Variants in TSGA10 observed in about 807,000 individuals in gnomAD.
The protein encoded by TSGA10 is testis specific 10, also known as testis-specific gene 10 protein.
Under a neutral mutation model 96.6 loss-of-function variants are expected in TSGA10, and 43 were observed. The observed-to-expected ratio is 0.44, with a 90% CI of 0.35 to 0.57. The LOEUF is 0.57. TSGA10 is among the 20% of genes least tolerant of loss of function. TSGA10 has a pLI of 0.01. For missense variants in TSGA10, 703 were observed against 834.4 expected (o/e 0.84, Z 1.94); for synonymous variants, 229 against 269.9 (o/e 0.85, Z 1.48).
At chr2:99,079,954 G>A (rs28648058) in intron 11 of TSGA10, among the ~76,000 whole-genome samples, 65,976 of 151,932 alleles carry the variant, frequency 0.43, 16,978 homozygotes, top group African/African-American at 0.72. Flanking sequence ...AAGACAACCC[G>A]CATGTTTTGT....
chr2:99,093,414 CAA>C (rs1233018545), intron 10 of TSGA10, among the ~76,000 whole-genome samples: 2 of 152,034 alleles, frequency 1.3e-5, no homozygotes, highest in African/African-American at 4.8e-5. Flanking sequence ...AGCAATCAGA[CAA>C]GAGAAGTAAA....
At chr2:99,150,639 AG>A in intron 1 of TSGA10, 1 of 1,614,110 alleles carries the variant, frequency 6.2e-7, no homozygotes, top group African/African-American at 1.3e-5. Flanking sequence ...ACTTAATACG[AG>A]GGACTGAAAA....
At chr2:99,032,807 T>A (rs952089717) in intron 17 of TSGA10, among the ~76,000 whole-genome samples, 1 of 152,164 alleles carries the variant, frequency 6.6e-6, no homozygotes, top group Non-Finnish European at 1.5e-5. Flanking sequence ...GATGAATTGA[T>A]GAAATAACAG....
intron 20 of TSGA10, among the ~76,000 whole-genome samples, chr2:99,005,331 A>T (rs150456061): frequency 6.6e-6 from 1 of 152,212 alleles, no homozygotes; most frequent in East Asian, 1.9e-4. Flanking sequence ...GTATTCAAAT[A>T]GGAAAAGAGG....
At chr2:99,013,815 A>G (rs1020077186) in intron 20 of TSGA10, among the ~76,000 whole-genome samples, 20 of 151,970 alleles carry the variant, frequency 1.3e-4, no homozygotes, top group African/African-American at 4.1e-4. Flanking sequence ...CAGGAGTTCA[A>G]AATCAGCCTG....
chr2:99,050,597 T>C (rs2083296520), intron 16 of TSGA10, among the ~76,000 whole-genome samples: 1 of 152,146 alleles, frequency 6.6e-6, no homozygotes. Flanking sequence ...ATTAAGTTAG[T>C]ATAAACCTGA....
intron 12 of TSGA10, among the ~76,000 whole-genome samples, chr2:99,076,272 T>G (rs1296757050): frequency 3.3e-5 from 5 of 152,216 alleles, no homozygotes; most frequent in African/African-American, 9.6e-5. Flanking sequence ...TTTCTCTCAC[T>G]GATACTCCTA....
intron 4 of TSGA10, among the ~76,000 whole-genome samples, chr2:99,114,935 T>C (rs768429505): frequency 9.9e-5 from 15 of 152,128 alleles, no homozygotes; most frequent in Non-Finnish European, 1.3e-4. Flanking sequence ...TCAATATTGA[T>C]ATATATATAT....
Position 99,104,008 on chromosome 2 carries a change from T to A in TSGA10, c.570A>T (p.Glu190Asp), listed in dbSNP as rs749363446. ...KSLARKAMDTESELGRQKAEN... is the reference protein window; with the variant it reads ...KSLARKAMDTDSELGRQKAEN... ...CTGCTTTTTGTCTGCCAAGTTCACTTTCGGTATCCATTGCCTTTCTTGCTA... is the reference window on the plus strand; with the variant it reads ...CTGCTTTTTGTCTGCCAAGTTCACTATCGGTATCCATTGCCTTTCTTGCTA... The change falls in exon 10 of 21, where the codon GAA becomes GAT. Residue 190 changes from glutamate to aspartate, a missense_variant. Coordinates refer to ENST00000393483, the MANE Select transcript of TSGA10 (RefSeq NM_025244.4). 9 of 1,614,142 alleles carry A rather than the reference T, an allele frequency of 5.6e-6. No homozygotes were observed. Among genetic ancestry groups the A allele is most frequent in the Middle Eastern group, 1.7e-4 (1 of 6,056 alleles).
intron 16 of TSGA10, among the ~76,000 whole-genome samples, chr2:99,043,942 A>G (rs948615693): frequency 6.6e-6 from 1 of 152,160 alleles, no homozygotes; most frequent in African/African-American, 2.4e-5. Context: ...GCTTCATAAG[A>G]GAAGGAGAAA....
At chr2:99,035,698 C>T (rs1368760822) in intron 16 of TSGA10, among the ~76,000 whole-genome samples, 1 of 150,998 alleles carries the variant, frequency 6.6e-6, no homozygotes, top group Non-Finnish European at 1.5e-5. Flanking sequence ...AAAAAAAAAC[C>T]TTTCCCACTT....
At chr2:99,031,031 C>T (rs1252787372) in intron 17 of TSGA10, among the ~76,000 whole-genome samples, 1 of 149,432 alleles carries the variant, frequency 6.7e-6, no homozygotes, top group Non-Finnish European at 1.5e-5. Context: ...ATTAGAATAC[C>T]TAAAACAATT....
At chr2:99,005,714 T>G (rs2078406902) in intron 20 of TSGA10, among the ~76,000 whole-genome samples, 1 of 152,188 alleles carries the variant, frequency 6.6e-6, no homozygotes, top group South Asian at 2.1e-4. Context: ...ATGGCCATAC[T>G]GCCCAAGGTA....
chr2:99,016,428 T>A (rs1167461618), intron 20 of TSGA10, among the ~76,000 whole-genome samples: 1 of 152,124 alleles, frequency 6.6e-6, no homozygotes, highest in East Asian at 1.9e-4. Context: ...GGTGCTGGGA[T>A]AATTGGGAAG....
intron 1 of TSGA10, among the ~76,000 whole-genome samples, chr2:99,138,572 A>C (rs900792638): frequency 5.3e-5 from 8 of 152,256 alleles, no homozygotes; most frequent in South Asian, 2.1e-4. Context: ...ATGAATAGTA[A>C]AGAAAAAGAA....
intron 16 of TSGA10, among the ~76,000 whole-genome samples, chr2:99,057,644 T>A (rs2084160795): frequency 1.3e-5 from 2 of 152,110 alleles, no homozygotes; most frequent in African/African-American, 4.8e-5. Flanking sequence ...ATCAGAAAAC[T>A]TAATATTGTT....
At chr2:99,150,698 T>C (rs1426405842) in intron 1 of TSGA10, 3 of 1,613,768 alleles carry the variant, frequency 1.9e-6, no homozygotes, top group Non-Finnish European at 1.7e-6. Flanking sequence ...ACCAAGAAAA[T>C]AAGATTAGAA....
rs142408460 is a variant in TSGA10 at position 99,097,020 on chromosome 2, T to C, written c.611+6947A>G. ...GGGGACTCCCTCTAAGAAACCCAGATACAGGCAAAATTTACCTATGGTAAT... is the reference window on the plus strand; with the variant it reads ...GGGGACTCCCTCTAAGAAACCCAGACACAGGCAAAATTTACCTATGGTAAT... On this transcript the variant is annotated intron_variant, in intron 10 of 20. Transcript: ENST00000393483. Among the ~76,000 whole-genome samples the C allele has an allele frequency of 3.8e-3, 574 of 152,226 alleles. 2 individuals carry two copies. The highest frequency in any genetic ancestry group is 6.5e-3 in the Non-Finnish European group (442 of 68,008).
intron 15 of TSGA10, among the ~76,000 whole-genome samples, chr2:99,068,543 C>T (rs565932136): frequency 6.6e-6 from 1 of 152,266 alleles, no homozygotes; most frequent in East Asian, 1.9e-4. Flanking sequence ...TTCTGATCTG[C>T]TACATAATCA....
Sources: allele counts gnomAD v4.1 joint callset (sites outside exome capture counted in the v4.1 genomes callset), GRCh38; gene constraint gnomAD v4.1.1; transcripts MANE v1.5; gene names NCBI Gene and HGNC (gene_info 2026-07-23, HGNC 2026-07-21).